The following ITFG1 variants were observed in gnomAD, a reference collection of about 807,000 sequenced individuals.
ITFG1 encodes integrin alpha FG-GAP repeat containing 1, also known as T-cell immunomodulatory protein.
Under a neutral mutation model 81.8 loss-of-function variants are expected in ITFG1, and 34 were observed. That is an observed-to-expected ratio of 0.42 (90% CI 0.32 to 0.55). The LOEUF is 0.55. ITFG1 is among the 20% of genes least tolerant of loss of function. The pLI, the probability that ITFG1 is intolerant of heterozygous loss-of-function variation, is 0.17. For synonymous variants in ITFG1, 285 were observed against 270.6 expected (o/e 1.05, Z -0.52); for missense variants, 672 against 755.4 (o/e 0.89, Z 1.29).
intron 8 of ITFG1, among the ~76,000 whole-genome samples, chr16:47,347,424 C>T (rs114624016): frequency 0.022 from 3,337 of 152,364 alleles, 119 homozygotes; most frequent in African/African-American, 0.076. Context: ...GAGGGTCTCA[C>T]GCGCATGGGG....
chr16:47,221,906 T>C (rs1965696543), intron 13 of ITFG1, among the ~76,000 whole-genome samples: 1 of 152,240 alleles, frequency 6.6e-6, no homozygotes, highest in Non-Finnish European at 1.5e-5. Flanking sequence ...TGGTAGTTTG[T>C]ATTTCTGTGG....
chr16:47,408,625 A>C (rs975988038), intron 6 of ITFG1, among the ~76,000 whole-genome samples: 1 of 152,054 alleles, frequency 6.6e-6, no homozygotes, highest in Non-Finnish European at 1.5e-5. Context: ...CTATTTTCCA[A>C]AAAAAAAGAA....
rs570174905 is a variant in ITFG1 at position 47,228,806 on chromosome 16, T to C, written c.1374+9159A>G. On this transcript the variant is annotated intron_variant, in intron 13 of 17. Coordinates refer to ENST00000320640, the MANE Select transcript of ITFG1 (RefSeq NM_030790.5). ...TGTTGCATATATTAAAAATTAATTG[T>C]TGTAACAATGGAAACAATTGTGTTT... Among the ~76,000 whole-genome samples the C allele has an allele frequency of 4.6e-5, 7 of 152,366 alleles. No homozygotes were observed. The South Asian group carries it at 1.2e-3, about 27-fold the overall frequency.
chr16:47,452,286 T>G (rs1439524052), intron 4 of ITFG1, among the ~76,000 whole-genome samples: 1 of 152,162 alleles, frequency 6.6e-6, no homozygotes, highest in Non-Finnish European at 1.5e-5. Flanking sequence ...TTACATCAAT[T>G]ATTTAAATCA....
At chr16:47,393,984 C>G (rs1968564304) in intron 6 of ITFG1, among the ~76,000 whole-genome samples, 1 of 152,098 alleles carries the variant, frequency 6.6e-6, no homozygotes, top group Non-Finnish European at 1.5e-5. Flanking sequence ...GATAACTCAA[C>G]TTTTTAAAAT....
intron 10 of ITFG1, among the ~76,000 whole-genome samples, chr16:47,292,297 C>T (rs1442613323): frequency 6.6e-6 from 1 of 152,214 alleles, no homozygotes; most frequent in East Asian, 1.9e-4. Flanking sequence ...GAGGCGTGAG[C>T]CACCGTGCCC....
intron 8 of ITFG1, among the ~76,000 whole-genome samples, chr16:47,345,166 G>T (rs1363363129): frequency 6.6e-6 from 1 of 152,070 alleles, no homozygotes; most frequent in East Asian, 1.9e-4. Flanking sequence ...TAACTCAGAG[G>T]TGTCCAATCT....
chr16:47,441,025 C>T (rs1969242182), intron 5 of ITFG1, among the ~76,000 whole-genome samples: 2 of 151,882 alleles, frequency 1.3e-5, no homozygotes, highest in South Asian at 4.1e-4. Flanking sequence ...ATGGTACAAA[C>T]TACCATCAGA....
At chr16:47,436,661 T>C (rs758557016) in intron 5 of ITFG1, among the ~76,000 whole-genome samples, 1 of 152,180 alleles carries the variant, frequency 6.6e-6, no homozygotes, top group Non-Finnish European at 1.5e-5. Flanking sequence ...AAAAGGTTTA[T>C]TACAGCAAGG....
intron 17 of ITFG1, 34 bp downstream of exon 17, chr16:47,158,839 A>G: frequency 8.4e-7 from 1 of 1,186,540 alleles, no homozygotes; most frequent in Non-Finnish European, 1.2e-6. Context: ...AGAATAAATT[A>G]ACCAAAATTA....
chr16:47,239,818 A>G (rs532567760), intron 12 of ITFG1, among the ~76,000 whole-genome samples: 1 of 152,176 alleles, frequency 6.6e-6, no homozygotes, highest in Non-Finnish European at 1.5e-5. Context: ...TTCTTTTCCA[A>G]CTGTTCCAAA....
chr16:47,388,011 A>G (rs1968484341), intron 6 of ITFG1, among the ~76,000 whole-genome samples: 1 of 152,136 alleles, frequency 6.6e-6, no homozygotes, highest in South Asian at 2.1e-4. Context: ...ATAGACAGAA[A>G]TGATAAAAAA....
intron 8 of ITFG1, among the ~76,000 whole-genome samples, chr16:47,326,551 A>G (rs1967547453): frequency 6.6e-6 from 1 of 152,176 alleles, no homozygotes; most frequent in South Asian, 2.1e-4. Context: ...TTTGCAGATG[A>G]CATGATTGTA....
rs137979837 is a variant in ITFG1 at position 47,373,482 on chromosome 16, T to C, written c.720+2394A>G. On this transcript the variant is annotated intron_variant, in intron 7 of 17. Coordinates refer to ENST00000320640, the MANE Select transcript of ITFG1 (RefSeq NM_030790.5). ...TTTTAGTAGAGACGGGGTTTCACCA[T>C]GTTGGCAAGGCTGGTCTTGAACTCC... is the stretch of plus-strand genomic sequence containing the variant. Among the ~76,000 whole-genome samples, 1,239 of 152,212 alleles carry C rather than the reference T, an allele frequency of 8.1e-3. 16 individuals carry two copies. Among genetic ancestry groups the C allele is most frequent in the African/African-American group, 0.029 (1,203 of 41,524 alleles).
At chr16:47,375,063 A>G (rs1225307151) in intron 7 of ITFG1, among the ~76,000 whole-genome samples, 3 of 152,236 alleles carry the variant, frequency 2.0e-5, no homozygotes, top group Non-Finnish European at 4.4e-5. Flanking sequence ...TGCAGATGGG[A>G]AATCAACAGA....
chr16:47,170,945 G>GGCTA (rs1596781517), intron 14 of ITFG1, among the ~76,000 whole-genome samples: 1 of 150,870 alleles, frequency 6.6e-6, no homozygotes, highest in African/African-American at 2.4e-5. Context: ...ATGTTGGCCA[G>GGCTA]GCTAGTCTCA....
At position 47,451,354 on chromosome 16, in the gene ITFG1, A is replaced by C. The variant is rs1004961010; in HGVS notation, c.560+42T>G. 2.9e-6 allele frequency: 3 copies of C among 1,047,050 alleles called. No homozygotes were observed. In the African/African-American group the frequency reaches 4.8e-5, roughly 17 times the overall value. 64.9% of individuals were successfully genotyped at this position (1,047,050 alleles called of 1,614,324 possible). ...TTCTCCAATGGTTAAAGTAGAAGCAATATATACGATTAATTACATAGTTAT... is the reference window on the plus strand; with the variant it reads ...TTCTCCAATGGTTAAAGTAGAAGCACTATATACGATTAATTACATAGTTAT... On this transcript the variant is annotated intron_variant, in intron 5 of 17. Coordinates refer to ENST00000320640, the MANE Select transcript of ITFG1 (RefSeq NM_030790.5).
At chr16:47,439,219 T>C (rs1214403480) in intron 5 of ITFG1, among the ~76,000 whole-genome samples, 3 of 152,138 alleles carry the variant, frequency 2.0e-5, no homozygotes, top group Non-Finnish European at 4.4e-5. Context: ...CTGGTGTACT[T>C]GAAAGTGATG....
chr16:47,247,027 G>A (rs1384449791), intron 12 of ITFG1, among the ~76,000 whole-genome samples: 5 of 152,018 alleles, frequency 3.3e-5, no homozygotes, highest in African/African-American at 1.2e-4. Context: ...CAAGTGATTC[G>A]CCTGCCTTGA....
Sources: allele counts gnomAD v4.1 joint callset (sites outside exome capture counted in the v4.1 genomes callset), GRCh38; gene constraint gnomAD v4.1.1; transcripts MANE v1.5; gene names NCBI Gene and HGNC (gene_info 2026-07-23, HGNC 2026-07-21).